Variants in PDHB observed in about 807,000 individuals in gnomAD.
PDHB encodes pyruvate dehydrogenase E1 subunit beta, also known as pyruvate dehydrogenase E1 component subunit beta, mitochondrial.
In PDHB, 17 loss-of-function variants were observed where a neutral mutation model predicts 42.8. That is an observed-to-expected ratio of 0.40 (90% CI 0.27 to 0.60). PDHB has a LOEUF of 0.60. Ranked by LOEUF, PDHB falls within the 20% of genes least tolerant of loss-of-function variation. The pLI is 0.46. For missense variants in PDHB, 322 were observed against 451.3 expected, an observed-to-expected ratio of 0.71 and a Z score of 2.60; for synonymous variants, 154 against 148.7, an observed-to-expected ratio of 1.04 and a Z score of -0.26.
rs755756637 is a variant in PDHB at position 58,433,759 on chromosome 3, G to C, written c.42+9C>G. ...CGCGTGGGAATACAGGCCGCGCGCT[G>C]CTGCCTACCTCCCGAAGGGGTCTCC... On this transcript the variant is annotated intron_variant, in intron 1 of 9. Transcript: ENST00000302746. 2 of 1,612,296 alleles carry C rather than the reference G, an allele frequency of 1.2e-6. No homozygotes were observed. The highest frequency in any genetic ancestry group is 1.7e-6 in the Non-Finnish European group (2 of 1,179,596).
At chr3:58,433,564 C>CGGCCTCCTTCCCGAGAGAAGGGGGG in intron 2 of PDHB, 67 bp downstream of exon 2, 1 of 1,519,710 alleles carries the variant, frequency 6.6e-7, no homozygotes, top group Non-Finnish European at 8.9e-7. Context: ...GGCGCGACTC[C>CGGCCTCCTTCCCGAGAGAAGGGGGG]GGCCTCCTTC....
intron 6 of PDHB, 105 bp from the exon 7 acceptor site, chr3:58,430,343 G>T: frequency 1.2e-6 from 1 of 823,230 alleles, no homozygotes; most frequent in Non-Finnish European, 2.0e-6. Flanking sequence ...TCATTGTGCT[G>T]ATTAGCCTTA....
intron 2 of PDHB, chr3:58,432,648 A>G (rs1193377485): frequency 1.3e-5 from 2 of 155,178 alleles, no homozygotes; most frequent in Non-Finnish European, 2.8e-5. Context: ...GAGCTGAGAT[A>G]GTGCCACTGC....
Position 58,431,055 on chromosome 3 carries a change from A to G in PDHB, c.304-113T>C. 9.1e-7 allele frequency: 1 copy of G among 1,103,814 alleles called. No individual in the cohort carries two copies. Among genetic ancestry groups the G allele is most frequent in the South Asian group, 1.3e-5 (1 of 74,438 alleles). The allele number at this position is 1,103,814 out of a possible 1,614,324, so 68.4% of individuals were successfully genotyped here. A position where few individuals can be genotyped will look rare whatever the true frequency, so the allele number is the denominator to read the frequency against. On this transcript the variant is annotated intron_variant, in intron 5 of 9. Transcript: ENST00000302746. This position sits in a 1 kb window ranked among gnomAD's most constrained non-coding sequence, Gnocchi z 4.4. ...AATAATGTTTTTATTTTTTATTTTT[A>G]TTTTTTATGGACAGGGTCTCACTGT...
Position 58,431,936 on chromosome 3 carries a change from T to C in PDHB, c.145A>G (p.Arg49Gly). 1 of 1,614,078 alleles carries C rather than the reference T, an allele frequency of 6.2e-7. No individual in the cohort carries two copies. Among genetic ancestry groups the C allele is most frequent in the Non-Finnish European group, 8.5e-7 (1 of 1,179,910 alleles). ...INQGMDEELERDEKVFLLGEE... is the reference protein window; with the variant it reads ...INQGMDEELEGDEKVFLLGEE... ...CCAAGCAGAAATACCTTCTCATCTC[T>C]TTCCAGCTCCTCATCCATACCCTGA... The change falls in exon 3 of 10, where the codon AGA becomes GGA. Residue 49 changes from arginine to glycine, a missense_variant. By Grantham distance (125) the Arg-to-Gly change is moderately radical. Transcript: ENST00000302746. The surrounding 1 kb of genome is among the most constrained non-coding windows in gnomAD (Gnocchi z 4.4).
chr3:58,429,576 G>A, intron 8 of PDHB, 132 bp downstream of exon 8: 2 of 742,074 alleles, frequency 2.7e-6, no homozygotes, highest in Non-Finnish European at 4.9e-6. Context: ...CAGGTTCCCA[G>A]CTTTAAGCAG....
rs754947423 is a variant in PDHB, at chr3:58,428,735, C to T, written c.793-121G>A. The T allele has an allele frequency of 2.7e-5, 22 of 821,420 alleles. No homozygotes were observed. In the Middle Eastern group the frequency reaches 1.5e-3, roughly 57 times the overall value. 50.9% of individuals were successfully genotyped at this position (821,420 alleles called of 1,614,324 possible). A position where few individuals can be genotyped will look rare whatever the true frequency, so the allele number is the denominator to read the frequency against. On this transcript the variant is annotated intron_variant, in intron 8 of 9. Transcript: ENST00000302746. ...TTTGTATCTAGGAAAATCTAATCTGCCTATGAATACCTATTCATGAATGTA... is the reference window on the plus strand; with the variant it reads ...TTTGTATCTAGGAAAATCTAATCTGTCTATGAATACCTATTCATGAATGTA...
intron 9 of PDHB, 38 bp downstream of exon 9, chr3:58,428,435 A>T (rs1402928444): frequency 1.2e-6 from 2 of 1,606,636 alleles, no homozygotes; most frequent in Non-Finnish European, 8.5e-7. Context: ...TGTTTACTAT[A>T]GCTTGACTGT....
chr3:58,432,878 A>C (rs998395172), intron 2 of PDHB: 2 of 151,718 alleles, frequency 1.3e-5, no homozygotes, highest in Non-Finnish European at 2.9e-5. Flanking sequence ...ACCGGCATCT[A>C]ATCACAGCTA....
intron 9 of PDHB, 63 bp from the exon 10 acceptor site, chr3:58,428,242 C>A: frequency 1.3e-6 from 2 of 1,487,204 alleles, no homozygotes; most frequent in Non-Finnish European, 1.9e-6. Flanking sequence ...CACCTTGGCA[C>A]AGAGGTGTGG....
intron 8 of PDHB, among the ~76,000 whole-genome samples, chr3:58,429,147 G>A (rs2062898849): frequency 6.6e-6 from 1 of 152,178 alleles, no homozygotes; most frequent in African/African-American, 2.4e-5. Flanking sequence ...ATCAAAATGA[G>A]TTAACAGTTA....
intron 5 of PDHB, 25 bp from the exon 6 acceptor site, chr3:58,430,967 TAA>T: frequency 1.9e-6 from 3 of 1,611,816 alleles, no homozygotes; most frequent in Non-Finnish European, 2.5e-6. Context: ...ACGTGGATGT[TAA>T]AAAGACTAGA....
At position 58,431,225 on chromosome 3, in the gene PDHB, T is replaced by C. The variant is rs992470442; in HGVS notation, c.304-283A>G. 90 of 480,570 alleles carry C rather than the reference T, an allele frequency of 1.9e-4. No homozygotes were observed. The highest frequency in any genetic ancestry group is 1.4e-3 in the Admixed American group (40 of 29,264). The allele number at this position is 480,570 out of a possible 1,614,324, so 29.8% of individuals were successfully genotyped here. A position where few individuals can be genotyped will look rare whatever the true frequency, so the allele number is the denominator to read the frequency against. ...CTACCTACTTGGTATTTTTTTTTTT[T>C]CCCAAATGATGTTTTTAAAAGGTGA... On this transcript the variant is annotated intron_variant, in intron 5 of 9. Coordinates refer to ENST00000302746, the MANE Select transcript of PDHB (RefSeq NM_000925.4). This position sits in a 1 kb window ranked among gnomAD's most constrained non-coding sequence, Gnocchi z 4.4.
intron 8 of PDHB, among the ~76,000 whole-genome samples, 163 bp downstream of exon 8, chr3:58,429,545 G>GCTAA (rs944799008): frequency 2.6e-5 from 4 of 152,122 alleles, no homozygotes; most frequent in African/African-American, 9.7e-5. Context: ...GTGGTAAAAA[G>GCTAA]CTAAGTATGT....
intron 2 of PDHB, 85 bp from the exon 3 acceptor site, chr3:58,432,069 C>T: frequency 1.2e-6 from 1 of 862,992 alleles, no homozygotes; most frequent in East Asian, 2.5e-5. Context: ...CCTAGGCTGC[C>T]CACAGCATAC....
intron 7 of PDHB, 116 bp downstream of exon 7, chr3:58,430,012 T>C (rs987153320): frequency 2.6e-5 from 20 of 754,954 alleles, no homozygotes; most frequent in South Asian, 2.3e-4. Context: ...TTGGGGCATC[T>C]TGAGCTCATC....
intron 7 of PDHB, 55 bp from the exon 8 acceptor site, chr3:58,429,854 C>CAGTGGTGTAGCAT: frequency 4.9e-6 from 5 of 1,018,212 alleles, no homozygotes; most frequent in Non-Finnish European, 6.3e-6. Flanking sequence ...AGATGCTACA[C>CAGTGGTGTAGCAT]CACTGTGCCG....
Position 58,427,744 on chromosome 3 carries a change from T to C in PDHB, c.*290A>G, listed in dbSNP as rs1200918505. ...GTTTGGATACATCTTTCATGAGGAC[T>C]CTGCCACATCCATACTTTGTCCTTG... On this transcript the variant is annotated 3_prime_UTR_variant, in exon 10 of 10. Coordinates refer to ENST00000302746, the MANE Select transcript of PDHB (RefSeq NM_000925.4). 3.9e-6 allele frequency: 2 copies of C among 507,056 alleles called. No homozygotes were observed. Among genetic ancestry groups the C allele is most frequent in the Non-Finnish European group, 7.6e-6 (2 of 262,708 alleles). 31.4% of individuals were successfully genotyped at this position (507,056 alleles called of 1,614,324 possible).
chr3:58,428,280 T>C (rs1315640232), intron 9 of PDHB, 101 bp from the exon 10 acceptor site: 1 of 1,264,326 alleles, frequency 7.9e-7, no homozygotes, highest in Non-Finnish European at 1.2e-6. Flanking sequence ...ATGTAAGGAA[T>C]GCTAATTATG....
Sources: gnomAD v4.1 joint callset for allele counts (sites outside exome capture counted in the v4.1 genomes callset) on GRCh38, gnomAD v4.1.1 for gene constraint, Gnocchi (gnomAD v3.1) non-coding constraint, MANE v1.5 for transcripts, NCBI Gene and HGNC (gene_info 2026-07-23, HGNC 2026-07-21) for gene names.